The following ERBB4 variants were observed in gnomAD, a reference collection of about 807,000 sequenced individuals.
ERBB4 encodes receptor tyrosine-protein kinase erbB-4.
Under a neutral mutation model 158.0 loss-of-function variants are expected in ERBB4, and 42 were observed. The ratio of observed to expected loss-of-function variants is 0.27; its 90% CI spans 0.21 to 0.34. The LOEUF is 0.34. Ranked by LOEUF, ERBB4 falls within the 10% of genes least tolerant of loss-of-function variation. The probability of loss-of-function intolerance (pLI) is 1.00; values close to 1 mark genes in which losing one functional copy is unlikely to be tolerated. For synonymous variants in ERBB4, 583 were observed against 558.7 expected (o/e 1.04, Z -0.61); for missense variants, 1,333 against 1,624.1 (o/e 0.82, Z 3.08).
chr2:211,390,391 G>C (rs2062776551), intron 25 of ERBB4, among the ~76,000 whole-genome samples: 1 of 152,164 alleles, frequency 6.6e-6, no homozygotes, highest in South Asian at 2.1e-4. Flanking sequence ...TAGAATGCCA[G>C]GTATTCCAAA....
chr2:212,429,860 G>GAAA (rs1352601108), intron 1 of ERBB4, among the ~76,000 whole-genome samples: 1 of 152,082 alleles, frequency 6.6e-6, no homozygotes, highest in Non-Finnish European at 1.5e-5. Context: ...AATAAAATGC[G>GAAA]AAAATACTTA....
intron 1 of ERBB4, among the ~76,000 whole-genome samples, chr2:212,279,418 G>A (rs2085668255): frequency 2.6e-5 from 4 of 151,472 alleles, no homozygotes; most frequent in South Asian, 4.1e-4. Context: ...GAGGGTAAAA[G>A]GGGAGATGAG....
chr2:211,941,716 C>CTT (rs57686734), intron 3 of ERBB4, among the ~76,000 whole-genome samples: 67,065 of 132,692 alleles, frequency 0.51, 17,990 homozygotes, highest in Non-Finnish European at 0.59. Context: ...ATTTGGAACA[C>CTT]TTTTTTTTTT....
intron 3 of ERBB4, among the ~76,000 whole-genome samples, chr2:211,944,163 A>AAT (rs2080591455): frequency 3.4e-5 from 2 of 59,358 alleles, no homozygotes; most frequent in South Asian, 4.0e-4. Context: ...ATATATATAC[A>AAT]CTATATATAT....
intron 1 of ERBB4, among the ~76,000 whole-genome samples, chr2:212,241,679 T>G (rs977991697): frequency 6.6e-6 from 1 of 152,194 alleles, no homozygotes; most frequent in East Asian, 1.9e-4. Flanking sequence ...TGCGACCATA[T>G]CTTTTAGTTA....
chr2:212,468,172 G>A (rs1441137200), intron 1 of ERBB4, among the ~76,000 whole-genome samples: 1 of 152,152 alleles, frequency 6.6e-6, no homozygotes, highest in African/African-American at 2.4e-5. Context: ...CTTGTCTCAG[G>A]TGAGACGTTG....
At chr2:212,272,983 T>A (rs1185860643) in intron 1 of ERBB4, among the ~76,000 whole-genome samples, 2 of 151,698 alleles carry the variant, frequency 1.3e-5, no homozygotes, top group East Asian at 3.9e-4. Context: ...CTTGGCAAGT[T>A]AGGATGGCCA....
At chr2:212,206,275 G>C (rs1157357019) in intron 1 of ERBB4, among the ~76,000 whole-genome samples, 1 of 152,100 alleles carries the variant, frequency 6.6e-6, no homozygotes, top group Non-Finnish European at 1.5e-5. Flanking sequence ...GTCAAATCAT[G>C]TTTGAAAAAG....
At chr2:211,514,739 G>A (rs1389258219) in intron 20 of ERBB4, among the ~76,000 whole-genome samples, 1 of 152,130 alleles carries the variant, frequency 6.6e-6, no homozygotes, top group Non-Finnish European at 1.5e-5. Flanking sequence ...GGGCAGACAT[G>A]TTTCAGATTT....
chr2:211,509,673 G>C (rs2065841591), intron 20 of ERBB4, among the ~76,000 whole-genome samples: 1 of 152,042 alleles, frequency 6.6e-6, no homozygotes, highest in Admixed American at 6.5e-5. Context: ...CACAATGGGA[G>C]AGAATATTAA....
intron 2 of ERBB4, among the ~76,000 whole-genome samples, chr2:211,961,141 T>C (rs941164371): frequency 6.6e-6 from 1 of 152,146 alleles, no homozygotes; most frequent in Non-Finnish European, 1.5e-5. Context: ...TTCAGCATCA[T>C]TGGCTAGTAA....
intron 19 of ERBB4, among the ~76,000 whole-genome samples, chr2:211,608,167 G>A (rs1365449065): frequency 1.3e-5 from 2 of 152,026 alleles, no homozygotes; most frequent in East Asian, 1.9e-4. Flanking sequence ...TAATAAATAA[G>A]AAGAAAAAGA....
intron 1 of ERBB4, among the ~76,000 whole-genome samples, chr2:212,345,253 A>G (rs72949566): frequency 0.46 from 58,685 of 127,926 alleles, 16,241 homozygotes; most frequent in East Asian, 0.79. Context: ...GGGACAGAGC[A>G]AGACTCCGTC....
At chr2:212,432,043 G>T (rs901708155) in intron 1 of ERBB4, among the ~76,000 whole-genome samples, 3 of 152,092 alleles carry the variant, frequency 2.0e-5, no homozygotes, top group African/African-American at 7.2e-5. Flanking sequence ...GTTTTCCAAT[G>T]ATTAGAGCAT....
chr2:211,873,232 A>G (rs1468710863), intron 3 of ERBB4, among the ~76,000 whole-genome samples: 9 of 152,280 alleles, frequency 5.9e-5, no homozygotes, highest in Non-Finnish European at 1.3e-4. Context: ...AACTAGAAGG[A>G]CCCCAGATAA....
chr2:212,334,248 A>T (rs1435739522), intron 1 of ERBB4, among the ~76,000 whole-genome samples: 2 of 151,898 alleles, frequency 1.3e-5, no homozygotes, highest in African/African-American at 4.8e-5. Context: ...ATTTTCCTTT[A>T]ACTACTGAAT....
At chr2:211,966,925 G>A (rs1575447715) in intron 2 of ERBB4, among the ~76,000 whole-genome samples, 1 of 152,214 alleles carries the variant, frequency 6.6e-6, no homozygotes, top group South Asian at 2.1e-4. Context: ...AGCTTCAGGT[G>A]AGAGAATATG....
chr2:211,543,204 A>C (rs1189607695), intron 20 of ERBB4, among the ~76,000 whole-genome samples: 1 of 151,980 alleles, frequency 6.6e-6, no homozygotes, highest in African/African-American at 2.4e-5. Context: ...ACCAGTAGGA[A>C]AAGCAAAAAA....
At chr2:211,587,725 G>A (rs559644040) in intron 19 of ERBB4, among the ~76,000 whole-genome samples, 80 of 152,076 alleles carry the variant, frequency 5.3e-4, no homozygotes, top group African/African-American at 1.8e-3. Flanking sequence ...ACCTATCCTC[G>A]ATAGGCCACG....
Sources: allele counts gnomAD v4.1 joint callset (sites outside exome capture counted in the v4.1 genomes callset), GRCh38; gene constraint gnomAD v4.1.1; transcripts MANE v1.5; gene names NCBI Gene and HGNC (gene_info 2026-07-23, HGNC 2026-07-21).